Variants in NMUR1 observed in about 807,000 individuals in gnomAD.
NMUR1 encodes the protein neuromedin-U receptor 1.
NMUR1 carries 16 observed loss-of-function variants against 18.8 expected under a neutral mutation model. The ratio of observed to expected loss-of-function variants is 0.85; its 90% CI spans 0.58 to 1.29. The LOEUF is 1.29. Ranked by LOEUF, NMUR1 falls within the 50% of genes most tolerant of loss-of-function variation. The pLI is 0.00. For missense variants in NMUR1, 529 were observed against 580.3 expected (o/e 0.91, Z 0.91); for synonymous variants, 258 against 258.2 (o/e 1.00, Z 0.01).
intron 1 of NMUR1, 119 bp from the exon 2 acceptor site, chr2:231,529,136 GAGAA>G (rs2047391058): frequency 5.8e-6 from 6 of 1,040,354 alleles, no homozygotes; most frequent in Admixed American, 2.9e-5. Flanking sequence ...AGGCACCACT[GAGAA>G]AGAAAAAACT....
Position 231,528,166 on chromosome 2 carries a change from G to A in NMUR1, c.855C>T (p.Leu285=), listed in dbSNP as rs751738088. 13 of 1,578,176 alleles carry A rather than the reference G, an allele frequency of 8.2e-6. 1 individual carries two copies. The South Asian group carries it at 1.2e-4, about 14-fold the overall frequency. Reference sequence around the variant, plus strand: ...GTCTCCGGCCCCGATCGTGCTGCTGGAGCCTGCAGGTGTATCTGGACCTGG... The same window carrying A: ...GTCTCCGGCCCCGATCGTGCTGCTGAAGCCTGCAGGTGTATCTGGACCTGG... The part of the protein sequence containing the change: ...AAARSRYTCR[L]QQHDRGRRQV... Residue 285 remains leucine, a synonymous_variant, in exon 2 of 3, where the codon CTC becomes CTT. Coordinates refer to ENST00000305141, the MANE Select transcript of NMUR1 (RefSeq NM_006056.5).
At chr2:231,522,977 C>T (rs2047320018), downstream of NMUR1, among the ~76,000 whole-genome samples, 1 of 152,204 alleles carries the variant, frequency 6.6e-6, no homozygotes, top group African/African-American at 2.4e-5. Context: ...TCTGGGAATT[C>T]ACCCAGATGG....
downstream of NMUR1, chr2:231,523,132 A>G (rs2047321061): frequency 3.0e-6 from 1 of 334,326 alleles, no homozygotes; most frequent in Non-Finnish European, 5.5e-6. Context: ...TTGTGTATAT[A>G]AAATAAAACC....
intron 2 of NMUR1, among the ~76,000 whole-genome samples, chr2:231,527,063 G>A (rs1351406848): frequency 2.6e-5 from 4 of 152,112 alleles, no homozygotes; most frequent in African/African-American, 9.7e-5. Context: ...GACATGGCAT[G>A]GGGGAAATTC....
At chr2:231,527,998 A>ACACACACG (rs763276294) in intron 2 of NMUR1, 125 bp downstream of exon 2, 10 of 963,532 alleles carry the variant, frequency 1.0e-5, no homozygotes, top group Non-Finnish European at 1.5e-5. Flanking sequence ...ACACACACAC[A>ACACACACG]CGAGACTAGA....
intron 2 of NMUR1, among the ~76,000 whole-genome samples, chr2:231,527,739 T>A (rs1293911010): frequency 1.3e-5 from 2 of 151,890 alleles, no homozygotes; most frequent in Admixed American, 6.6e-5. Context: ...GCCCTGCCCT[T>A]TCTGTGTTTT....
intron 1 of NMUR1, among the ~76,000 whole-genome samples, chr2:231,529,310 A>C (rs892118942): frequency 6.6e-5 from 10 of 152,176 alleles, no homozygotes; most frequent in Non-Finnish European, 1.2e-4. Context: ...CAATACAAAA[A>C]GTAGCCGGGC....
chr2:231,521,269 G>C (rs2047302060), downstream of NMUR1, among the ~76,000 whole-genome samples: 1 of 152,220 alleles, frequency 6.6e-6, no homozygotes, highest in South Asian at 2.1e-4. Flanking sequence ...TCCTACTTGA[G>C]AGGCTGAGGT....
chr2:231,525,261 G>A lies in NMUR1; in HGVS notation c.1063C>T (p.Leu355Phe), dbSNP rs1212815581. 8 of 1,614,080 alleles carry A rather than the reference G, an allele frequency of 5.0e-6. No individual in the cohort carries two copies. The highest frequency in any genetic ancestry group is 2.2e-5 in the East Asian group (1 of 44,884). Residue 355 changes from leucine to phenylalanine, a missense_variant, in exon 3 of 3, where the codon CTC becomes TTC. Leu to Phe is a conservative substitution (Grantham distance 22, BLOSUM62 0). Coordinates refer to ENST00000305141, the MANE Select transcript of NMUR1 (RefSeq NM_006056.5). ...FYLGSAANPVLYSLMSSRFRE... is the reference protein window; with the variant it reads ...FYLGSAANPVFYSLMSSRFRE... The stretch of plus-strand genomic sequence containing the variant: ...AAGCGGCTGGACATGAGGCTATAGA[G>A]CACGGGGTTGGCCGCCGAGCCCAGG...
In NMUR1 at chr2:231,528,569, T is replaced by C. The variant is rs775679855; in HGVS notation, c.452A>G (p.Asn151Ser). The C allele has an allele frequency of 6.8e-6, 11 of 1,613,964 alleles. No homozygotes were observed. Among genetic ancestry groups the C allele is most frequent in the South Asian group, 2.2e-5 (2 of 91,090 alleles). Residue 151 changes from asparagine (N) to serine (S), a missense_variant, in exon 2 of 3, where the codon AAC becomes AGC. Transcript: ENST00000305141. ...FEMVCLASVL[N>S]VTALSVERYV... ...GCGTTCCACGCTCAGGGCAGTGACG[T>C]TGAGCACTGAGGCCAGGCAGACCAT...
intron 1 of NMUR1, 72 bp from the exon 2 acceptor site, chr2:231,529,089 C>G: frequency 7.1e-7 from 1 of 1,411,878 alleles, no homozygotes; most frequent in African/African-American, 1.4e-5. Flanking sequence ...ACTCATCAAG[C>G]CAAAGGTGAC....
At chr2:231,520,060 C>T (rs527546541), downstream of NMUR1, among the ~76,000 whole-genome samples, 4 of 152,288 alleles carry the variant, frequency 2.6e-5, no homozygotes, top group East Asian at 7.7e-4. Flanking sequence ...CAGAATATTA[C>T]AGACTATAGT....
intron 2 of NMUR1, 80 bp downstream of exon 2, chr2:231,528,043 G>T (rs1427013065): frequency 3.5e-6 from 5 of 1,435,952 alleles, no homozygotes; most frequent in Admixed American, 4.6e-5. Context: ...CAGATACTCA[G>T]CCCCTTCTCC....
In NMUR1 at chr2:231,528,958, C is replaced by A. The variant is rs1468180133; in HGVS notation, c.63G>T (p.Arg21Ser). The A allele has an allele frequency of 1.2e-6, 2 of 1,613,928 alleles. No individual in the cohort carries two copies. The highest frequency in any genetic ancestry group is 1.7e-6 in the Non-Finnish European group (2 of 1,179,962). Residue 21 changes from arginine to serine, a missense_variant, in exon 2 of 3, where the codon AGG (arginine) becomes AGT (serine). Physicochemically the swap from Arg to Ser is moderately radical, Grantham distance 110 (BLOSUM62 -1). Transcript: ENST00000305141. ...LPGDLYPGGA[R>S]NPMACNGSAA... is the part of the protein sequence containing the mutation. ...CACTGCCATTGCAAGCCATGGGGTTCCTTGCACCCCCTGGGTACAGGTCTC... is the reference window on the plus strand; with the variant it reads ...CACTGCCATTGCAAGCCATGGGGTTACTTGCACCCCCTGGGTACAGGTCTC...
rs367688643 is a variant in NMUR1, at chr2:231,528,315, C to T, written c.706G>A (p.Ala236Thr). The change falls in exon 2 of 3, where the codon GCG becomes ACG. Residue 236 changes from alanine to threonine, a missense_variant. Transcript: ENST00000305141. ...ATGGGCAGGCAGAAGAAGAGCAGCGCGGTGGTCTGCACTACCATGTTGTAG... is the reference window on the plus strand; with the variant it reads ...ATGGGCAGGCAGAAGAAGAGCAGCGTGGTGGTCTGCACTACCATGTTGTAG... The part of the protein sequence containing the change: ...ALYNMVVQTT[A>T]LLFFCLPMAI... 6.5e-5 allele frequency: 105 copies of T among 1,612,936 alleles called. No homozygotes were observed. The Admixed American group carries it at 7.3e-4, about 11-fold the overall frequency.
chr2:231,527,983 C>CACACACAT, intron 2 of NMUR1, 140 bp downstream of exon 2: 1 of 832,316 alleles, frequency 1.2e-6, no homozygotes, highest in Non-Finnish European at 1.8e-6. Flanking sequence ...GACACACACA[C>CACACACAT]ACACACACAC....
At chr2:231,521,290 C>T (rs1559162123), downstream of NMUR1, among the ~76,000 whole-genome samples, 1 of 152,152 alleles carries the variant, frequency 6.6e-6, no homozygotes, top group Non-Finnish European at 1.5e-5. Context: ...GGGAGGATTG[C>T]TTGAGGCCAG....
chr2:231,528,851 G>C lies in NMUR1; in HGVS notation c.170C>G (p.Thr57Arg). ...LRLKYLGPQQTELFMPICATY... is the reference protein window; with the variant it reads ...LRLKYLGPQQRELFMPICATY... ...GGCACAGATGGGCATGAACAGCTCTGTCTGCTGGGGCCCCAGGTACTTGAG... is the reference window on the plus strand; with the variant it reads ...GGCACAGATGGGCATGAACAGCTCTCTCTGCTGGGGCCCCAGGTACTTGAG... The change falls in exon 2 of 3, where the codon ACA becomes AGA. Residue 57 changes from threonine to arginine, a missense_variant. By Grantham distance (71) the Thr-to-Arg change is moderately conservative. Transcript: ENST00000305141. 2 of 1,614,214 alleles carry C rather than the reference G, an allele frequency of 1.2e-6. No homozygotes were observed. The highest frequency in any genetic ancestry group is 1.7e-6 in the Non-Finnish European group (2 of 1,180,040).
rs113159138 is a variant in NMUR1, at chr2:231,528,712, G to A, written c.309C>T (p.Ala103=). 1,775 of 1,614,244 alleles carry A rather than the reference G, an allele frequency of 1.1e-3. 19 individuals carry two copies. The African/African-American group carries it at 0.018, about 16-fold the overall frequency. The change falls in exon 2 of 3, where the codon GCC becomes GCT. Residue 103 remains alanine, a synonymous_variant. Coordinates refer to ENST00000305141, the MANE Select transcript of NMUR1 (RefSeq NM_006056.5). ...CCAGCAGCACCAGCAGGTCCGACAC[G>A]GCCAGGCTGAAGAGGTAGTAGTTGG... The part of the protein sequence containing the change: ...TPTNYYLFSL[A]VSDLLVLLVG...
Sources: allele counts gnomAD v4.1 joint callset (sites outside exome capture counted in the v4.1 genomes callset), GRCh38; gene constraint gnomAD v4.1.1; transcripts MANE v1.5; gene names NCBI Gene and HGNC (gene_info 2026-07-23, HGNC 2026-07-21).